Variants in FZD3 observed in about 807,000 individuals in gnomAD.
The protein encoded by FZD3 is frizzled class receptor 3, also known as frizzled-3.
A neutral mutation model predicts 60.7 loss-of-function variants in FZD3; 30 were observed. The observed-to-expected ratio is 0.49, with a 90% CI of 0.37 to 0.67. FZD3 has a LOEUF of 0.67. FZD3 is among the 30% of genes least tolerant of loss of function. The probability of loss-of-function intolerance (pLI) is 0.00; values close to 1 mark genes in which losing one functional copy is unlikely to be tolerated. For missense variants in FZD3, 605 were observed against 838.7 expected, an observed-to-expected ratio of 0.72 and a Z score of 3.44; for synonymous variants, 246 against 275.2, an observed-to-expected ratio of 0.89 and a Z score of 1.05.
At chr8:28,513,847 C>T (rs753160059) in intron 3 of FZD3, among the ~76,000 whole-genome samples, 3 of 152,190 alleles carry the variant, frequency 2.0e-5, no homozygotes, top group African/African-American at 4.8e-5. Flanking sequence ...TTCTGATTCT[C>T]GTGAGTCAAA....
rs73559456 is a variant in FZD3, at chr8:28,544,083, C to T, written c.1405-7520C>T. ...TTTTACCGCAGAGTATGATACTCTG[C>T]GGTAAAATAAAATCGGATAAAATAT... On this transcript the variant is annotated intron_variant, in intron 5 of 7. Transcript: ENST00000240093. Among the ~76,000 whole-genome samples the T allele has an allele frequency of 2.3e-3, 356 of 151,554 alleles. 1 individual carries two copies. The highest frequency in any genetic ancestry group is 8.2e-3 in the African/African-American group (339 of 41,360).
rs1450573902 is a variant in FZD3 at position 28,555,724 on chromosome 8, A to G, written c.1554-14A>G. On this transcript the variant is annotated splice_polypyrimidine_tract_variant and intron_variant, in intron 6 of 7. Transcript: ENST00000240093. ...GATTGGTATGTATCTTAAACTTACT[A>G]TTTTGTTGTCTAGGATAGTGAATGA... 2 of 1,467,402 alleles carry G rather than the reference A, an allele frequency of 1.4e-6. No individual in the cohort carries two copies. The highest frequency in any genetic ancestry group is 1.4e-5 in the African/African-American group (1 of 72,234). The allele number at this position is 1,467,402 out of a possible 1,614,324, so 90.9% of individuals were successfully genotyped here.
chr8:28,572,424 A>T lies in FZD3; in HGVS notation c.*9413A>T, dbSNP rs879356163. On this transcript the variant is annotated 3_prime_UTR_variant, in exon 8 of 8. Transcript: ENST00000240093. ...AAATCTTATCAAGAAAATTCTCCTT[A>T]AAAAAAGTTATCCTTTATTTTGTTG... 3.9e-5 allele frequency: 6 copies of T among 152,190 alleles called. No individual in the cohort carries two copies. The highest frequency in any genetic ancestry group is 7.2e-5 in the African/African-American group (3 of 41,450). The allele number at this position is 152,190 out of a possible 1,614,324, so 9.4% of individuals were successfully genotyped here.
intron 5 of FZD3, among the ~76,000 whole-genome samples, chr8:28,549,165 G>C: frequency 6.6e-6 from 1 of 152,080 alleles, no homozygotes; most frequent in Non-Finnish European, 1.5e-5. Flanking sequence ...ACACATGCCT[G>C]GTGTCTTTAT....
chr8:28,558,289 T>G (rs1258131915), intron 7 of FZD3, among the ~76,000 whole-genome samples: 1 of 152,134 alleles, frequency 6.6e-6, no homozygotes, highest in Non-Finnish European at 1.5e-5. Flanking sequence ...CTACAGTAAT[T>G]TAGGGGTCCC....
At position 28,547,324 on chromosome 8, in the gene FZD3, T is replaced by C. The variant is rs1805318115; in HGVS notation, c.1405-4279T>C. On this transcript the variant is annotated intron_variant, in intron 5 of 7. Transcript: ENST00000240093. ...TATTCCATTGAGTGGATAAATCATA[T>C]TGCTTCTAATATTTTACAATTGGTA... Among the ~76,000 whole-genome samples the C allele has an allele frequency of 2.0e-5, 3 of 152,236 alleles. No individual in the cohort carries two copies. In the South Asian group the frequency reaches 6.2e-4, roughly 31 times the overall value.
At chr8:28,521,981 A>C (rs1343271311) in intron 4 of FZD3, among the ~76,000 whole-genome samples, 1 of 152,226 alleles carries the variant, frequency 6.6e-6, no homozygotes, top group Non-Finnish European at 1.5e-5. Context: ...CAGATGGAGA[A>C]ACTTAAGAAA....
chr8:28,541,912 A>G (rs1805177161), intron 5 of FZD3, among the ~76,000 whole-genome samples: 1 of 152,096 alleles, frequency 6.6e-6, no homozygotes, highest in African/African-American at 2.4e-5. Flanking sequence ...CCTCTACCTT[A>G]GTCCAAGCCA....
intron 3 of FZD3, among the ~76,000 whole-genome samples, chr8:28,508,553 T>C (rs1198548773): frequency 1.3e-5 from 2 of 151,942 alleles, no homozygotes; most frequent in South Asian, 2.1e-4. Flanking sequence ...CAGGCTGTAG[T>C]GTAGTGGCAC....
chr8:28,505,580 G>T (rs1804116652), intron 3 of FZD3, among the ~76,000 whole-genome samples: 2 of 152,080 alleles, frequency 1.3e-5, no homozygotes, highest in African/African-American at 2.4e-5. Flanking sequence ...TCGAACTCCT[G>T]GGCTGAAGCG....
intron 4 of FZD3, among the ~76,000 whole-genome samples, chr8:28,522,771 T>C (rs1018036266): frequency 1.0e-4 from 14 of 140,532 alleles, no homozygotes; most frequent in African/African-American, 2.4e-4. Flanking sequence ...AACTTTCTTT[T>C]TTTTTTTTTT....
intron 3 of FZD3, among the ~76,000 whole-genome samples, chr8:28,518,043 T>C (rs1334881522): frequency 2.0e-5 from 3 of 152,068 alleles, no homozygotes; most frequent in African/African-American, 4.8e-5. Context: ...TTTATTTTTA[T>C]TTATTTATTT....
intron 5 of FZD3, among the ~76,000 whole-genome samples, chr8:28,550,266 C>G (rs1805378840): frequency 6.6e-6 from 1 of 151,664 alleles, no homozygotes; most frequent in South Asian, 2.1e-4. Flanking sequence ...CATTGGTTTT[C>G]AAGTCTATTT....
At chr8:28,524,489 A>ATC (rs1279379847) in intron 4 of FZD3, among the ~76,000 whole-genome samples, 2 of 152,180 alleles carry the variant, frequency 1.3e-5, no homozygotes, top group Non-Finnish European at 1.5e-5. Context: ...TTAAACTTGT[A>ATC]TCTCACCTTT....
chr8:28,521,932 T>C (rs900940622), intron 4 of FZD3, among the ~76,000 whole-genome samples: 1 of 152,204 alleles, frequency 6.6e-6, no homozygotes, highest in African/African-American at 2.4e-5. Context: ...GTAATAGCTC[T>C]TGGAGGCGAG....
At chr8:28,537,146 A>G (rs960051514) in intron 5 of FZD3, among the ~76,000 whole-genome samples, 2 of 152,226 alleles carry the variant, frequency 1.3e-5, no homozygotes, top group African/African-American at 2.4e-5. Flanking sequence ...AAAATATTCT[A>G]TATCTCTTGT....
At position 28,520,720 on chromosome 8, in the gene FZD3, A is replaced by C. The variant is rs780727541; in HGVS notation, c.272A>C (p.Glu91Ala). Residue 91 changes from glutamate (E) to alanine (A), a missense_variant, in exon 4 of 8, where the codon GAA becomes GCA. Glu to Ala is a moderately radical substitution (Grantham distance 107). Transcript: ENST00000240093. ...LCALYAPICM[E>A]YGRVTLPCRR... ...GCACTCTACGCTCCTATTTGTATGGAATATGGACGTGTCACACTTCCCTGT... is the reference window on the plus strand; with the variant it reads ...GCACTCTACGCTCCTATTTGTATGGCATATGGACGTGTCACACTTCCCTGT... The C allele has an allele frequency of 1.9e-6, 3 of 1,612,840 alleles. No homozygotes were observed. The highest frequency in any genetic ancestry group is 2.5e-6 in the Non-Finnish European group (3 of 1,179,112).
At position 28,528,160 on chromosome 8, in the gene FZD3, A is replaced by G. The variant is rs761069532; in HGVS notation, c.1400A>G (p.Tyr467Cys). Residue 467 changes from tyrosine (Y) to cysteine (C), a missense_variant, in exon 5 of 8, where the codon TAT (tyrosine) becomes TGT (cysteine). By Grantham distance (194) the Tyr-to-Cys change is radical. Transcript: ENST00000240093. ...RCREYHIPCP[Y>C]QVTQMSRPDL... is the part of the protein sequence containing the mutation. ...AGAGAATATCACATTCCATGTCCAT[A>G]TCAGGTAAGGGAAACCTTGTTACAA... 1 of 1,605,652 alleles carries G rather than the reference A, an allele frequency of 6.2e-7. No individual in the cohort carries two copies. Among genetic ancestry groups the G allele is most frequent in the Non-Finnish European group, 8.5e-7 (1 of 1,175,706 alleles).
In FZD3 at chr8:28,520,814, T is replaced by C; in HGVS notation, c.366T>C (p.Pro122=). 1 of 1,597,224 alleles carries C rather than the reference T, an allele frequency of 6.3e-7. No individual in the cohort carries two copies. The highest frequency in any genetic ancestry group is 8.5e-7 in the Non-Finnish European group (1 of 1,171,236). The change falls in exon 4 of 8, where the codon CCT becomes CCC. Residue 122 remains proline, a synonymous_variant. Coordinates refer to ENST00000240093, the MANE Select transcript of FZD3 (RefSeq NM_017412.4). ...TGGAGATGTTTGGTGTTCCTTGGCC[T>C]GAAGATATGGAATGCAGTAGGTGCG... ...KLMEMFGVPW[P]EDMECSRFPD...
Sources: gnomAD v4.1 joint callset for allele counts (sites outside exome capture counted in the v4.1 genomes callset) on GRCh38, gnomAD v4.1.1 for gene constraint, MANE v1.5 for transcripts, NCBI Gene and HGNC (gene_info 2026-07-23, HGNC 2026-07-21) for gene names.